The following SERGEF variants were observed in gnomAD, a reference collection of about 807,000 sequenced individuals.
The protein encoded by SERGEF is secretion regulating guanine nucleotide exchange factor.
A neutral mutation model predicts 50.0 loss-of-function variants in SERGEF; 51 were observed. The observed-to-expected ratio is 1.02, with a 90% confidence interval of 0.81 to 1.29. SERGEF has a LOEUF of 1.29. Ranked by LOEUF, SERGEF falls within the 50% of genes most tolerant of loss-of-function variation. SERGEF has a pLI of 0.00. For synonymous variants in SERGEF, 205 were observed against 212.4 expected (o/e 0.97, Z 0.30); for missense variants, 521 against 557.0 (o/e 0.94, Z 0.65).
intron 10 of SERGEF, among the ~76,000 whole-genome samples, chr11:17,848,188 G>T (rs1057499927): frequency 1.3e-5 from 2 of 152,136 alleles, no homozygotes; most frequent in Non-Finnish European, 2.9e-5. Flanking sequence ...CAAACAAGAA[G>T]ACTGTAACAG....
intron 10 of SERGEF, among the ~76,000 whole-genome samples, chr11:17,823,903 A>T (rs1850130911): frequency 6.6e-6 from 1 of 152,194 alleles, no homozygotes; most frequent in African/African-American, 2.4e-5. Flanking sequence ...GCCCAGCTAA[A>T]AGTCTCACTT....
At chr11:17,821,584 A>G (rs1324303405) in intron 10 of SERGEF, among the ~76,000 whole-genome samples, 1 of 152,206 alleles carries the variant, frequency 6.6e-6, no homozygotes, top group Non-Finnish European at 1.5e-5. Context: ...GTCTTTGCAT[A>G]TGCTATTCCC....
chr11:17,832,258 A>G (rs12574378), intron 10 of SERGEF, among the ~76,000 whole-genome samples: 8,335 of 152,224 alleles, frequency 0.055, 566 homozygotes, highest in East Asian at 0.25. Flanking sequence ...ATGATAGTCA[A>G]TAAGTCTCAT....
At chr11:17,919,453 G>A (rs1414312763) in intron 9 of SERGEF, among the ~76,000 whole-genome samples, 3 of 151,948 alleles carry the variant, frequency 2.0e-5, no homozygotes, top group African/African-American at 4.8e-5. Context: ...AGAGAGAGAT[G>A]GTTACAGAAC....
intron 10 of SERGEF, among the ~76,000 whole-genome samples, chr11:17,849,047 A>G (rs2133870182): frequency 6.6e-6 from 1 of 152,288 alleles, no homozygotes; most frequent in East Asian, 1.9e-4. Context: ...ATATCTATTC[A>G]CCCAATGCTT....
chr11:17,812,639 T>C (rs1260212970), intron 10 of SERGEF, among the ~76,000 whole-genome samples: 1 of 152,236 alleles, frequency 6.6e-6, no homozygotes, highest in African/African-American at 2.4e-5. Flanking sequence ...GGCTCAGCTG[T>C]GTTTGCCTTC....
chr11:17,974,087 G>A (rs1473221028), intron 8 of SERGEF, among the ~76,000 whole-genome samples: 2 of 152,142 alleles, frequency 1.3e-5, no homozygotes, highest in African/African-American at 4.8e-5. Flanking sequence ...AGAGGTCCAT[G>A]GCCTCATGGT....
At chr11:17,934,483 C>T (rs779491712) in intron 9 of SERGEF, among the ~76,000 whole-genome samples, 5 of 152,170 alleles carry the variant, frequency 3.3e-5, no homozygotes, top group Non-Finnish European at 7.4e-5. Flanking sequence ...CTGTTGAATA[C>T]ATATATCTGA....
chr11:17,961,239 C>A (rs1852990303), intron 8 of SERGEF, among the ~76,000 whole-genome samples: 1 of 152,190 alleles, frequency 6.6e-6, no homozygotes, highest in Admixed American at 6.5e-5. Context: ...TTATTAAGCA[C>A]TAGTCACTGC....
chr11:17,903,461 T>C (rs921528258), intron 9 of SERGEF, among the ~76,000 whole-genome samples: 3 of 152,202 alleles, frequency 2.0e-5, no homozygotes, highest in African/African-American at 4.8e-5. Flanking sequence ...AGAAAGAAGA[T>C]AGATATTTCC....
intron 9 of SERGEF, among the ~76,000 whole-genome samples, chr11:17,897,629 A>G (rs910109632): frequency 4.6e-5 from 7 of 152,234 alleles, no homozygotes; most frequent in African/African-American, 9.6e-5. Flanking sequence ...GAAGCCAGGC[A>G]CAAAAAAGTA....
chr11:17,894,690 C>T (rs187278812), intron 9 of SERGEF, among the ~76,000 whole-genome samples: 3 of 152,240 alleles, frequency 2.0e-5, no homozygotes, highest in African/African-American at 7.2e-5. Flanking sequence ...CCTTACTGCT[C>T]CTGGCTCAGA....
At chr11:17,891,275 C>G (rs188991406) in intron 9 of SERGEF, among the ~76,000 whole-genome samples, 415 of 152,240 alleles carry the variant, frequency 2.7e-3, no homozygotes, top group Non-Finnish European at 4.9e-3. Context: ...TTGGCAAGAC[C>G]TGACTAAAAA....
intron 10 of SERGEF, among the ~76,000 whole-genome samples, chr11:17,836,314 A>G (rs1850396859): frequency 6.6e-6 from 1 of 152,220 alleles, no homozygotes; most frequent in African/African-American, 2.4e-5. Context: ...AAGGCCTTGC[A>G]TTTACTGGAT....
chr11:17,892,200 C>T (rs2133911567), intron 9 of SERGEF, among the ~76,000 whole-genome samples: 1 of 152,308 alleles, frequency 6.6e-6, no homozygotes, highest in East Asian at 1.9e-4. Context: ...TCCTCATATC[C>T]ACATCCTTTG....
At chr11:17,910,326 G>A (rs1011685209) in intron 9 of SERGEF, among the ~76,000 whole-genome samples, 9 of 152,156 alleles carry the variant, frequency 5.9e-5, no homozygotes, top group African/African-American at 2.2e-4. Flanking sequence ...ATAGCTCACT[G>A]TAACCTCAAA....
At chr11:17,833,278 C>T (rs893651785) in intron 10 of SERGEF, among the ~76,000 whole-genome samples, 1 of 152,210 alleles carries the variant, frequency 6.6e-6, no homozygotes, top group Non-Finnish European at 1.5e-5. Flanking sequence ...GTGCGAACCT[C>T]AAACCTTGGC....
chr11:17,953,174 T>C (rs934576980), intron 9 of SERGEF, among the ~76,000 whole-genome samples: 2 of 148,708 alleles, frequency 1.3e-5, no homozygotes, highest in Non-Finnish European at 3.0e-5. Context: ...CATATTTTCA[T>C]TGCCAGACTC....
intron 10 of SERGEF, among the ~76,000 whole-genome samples, chr11:17,861,097 C>T (rs993961548): frequency 6.6e-6 from 1 of 152,160 alleles, no homozygotes; most frequent in African/African-American, 2.4e-5. Flanking sequence ...CCAGGAAGAA[C>T]ATTTCCAGTA....
Sources: gnomAD v4.1 joint callset for allele counts (sites outside exome capture counted in the v4.1 genomes callset) on GRCh38, gnomAD v4.1.1 for gene constraint, MANE v1.5 for transcripts, NCBI Gene and HGNC (gene_info 2026-07-23, HGNC 2026-07-21) for gene names.